Variants in ANKFN1 observed in about 807,000 individuals in gnomAD.
The protein encoded by ANKFN1 is ankyrin repeat and fibronectin type-III domain-containing protein 1.
ANKFN1 carries 74 observed loss-of-function variants against 108.7 expected under a neutral mutation model. The observed-to-expected ratio is 0.68, with a 90% confidence interval of 0.56 to 0.83. ANKFN1 has a LOEUF of 0.83. ANKFN1 is among the 40% of genes least tolerant of loss of function. The pLI is 0.00. For missense variants in ANKFN1, 1,505 were observed against 1,382.3 expected (o/e 1.09, Z -1.41); for synonymous variants, 547 against 516.2 (o/e 1.06, Z -0.81).
chr17:56,174,770 C>G (rs1910984296), intron 1 of ANKFN1, among the ~76,000 whole-genome samples: 1 of 152,168 alleles, frequency 6.6e-6, no homozygotes, highest in Non-Finnish European at 1.5e-5. Context: ...AGCGGAGTCC[C>G]TCCTCCCACC....
intron 18 of ANKFN1, among the ~76,000 whole-genome samples, chr17:56,488,701 T>C (rs980243503): frequency 6.6e-6 from 1 of 152,232 alleles, no homozygotes; most frequent in Non-Finnish European, 1.5e-5. Context: ...TTCTGACACC[T>C]TGGCAAAGAC....
At chr17:56,333,223 C>A (rs139379573) in intron 4 of ANKFN1, among the ~76,000 whole-genome samples, 4 of 152,098 alleles carry the variant, frequency 2.6e-5, no homozygotes, top group African/African-American at 9.6e-5. Context: ...TAGGAGTAGA[C>A]ATTTTTGCCT....
chr17:56,089,850 T>A (rs949117517), intron 4 of ANKFN1, among the ~76,000 whole-genome samples: 3 of 151,300 alleles, frequency 2.0e-5, no homozygotes, highest in African/African-American at 7.3e-5. Context: ...GAGCCTTTGT[T>A]TCCTCATCCA....
intron 3 of ANKFN1, among the ~76,000 whole-genome samples, chr17:56,239,822 A>G (rs142270002): frequency 2.8e-4 from 42 of 152,194 alleles, no homozygotes; most frequent in African/African-American, 1.0e-3. Context: ...TCAGATTGAA[A>G]CACTTCTGGT....
chr17:56,419,837 TAAG>T (rs2048348827), intron 8 of ANKFN1, among the ~76,000 whole-genome samples: 1 of 144,808 alleles, frequency 6.9e-6, no homozygotes, highest in Admixed American at 6.9e-5. Flanking sequence ...AAGAAAGAAA[TAAG>T]AAGAAAAATA....
At chr17:56,098,582 C>A (rs567172514) in intron 4 of ANKFN1, among the ~76,000 whole-genome samples, 1 of 152,226 alleles carries the variant, frequency 6.6e-6, no homozygotes, top group South Asian at 2.1e-4. Flanking sequence ...TCCATAAGGG[C>A]AGGCCCTTTG....
At chr17:56,375,915 G>A (rs1012182841) in intron 8 of ANKFN1, among the ~76,000 whole-genome samples, 2 of 152,166 alleles carry the variant, frequency 1.3e-5, no homozygotes, top group African/African-American at 4.8e-5. Context: ...GAGAAGTTAA[G>A]GAATTTGCCT....
intron 1 of ANKFN1, among the ~76,000 whole-genome samples, chr17:56,159,466 C>T (rs1829216710): frequency 6.6e-6 from 1 of 152,180 alleles, no homozygotes; most frequent in South Asian, 2.1e-4. Context: ...TCTTCAGCAA[C>T]TCTGAAATAA....
At position 56,282,007 on chromosome 17, in the gene ANKFN1, C is replaced by T. The variant is rs553777970; in HGVS notation, c.54-44214C>T. Among the ~76,000 whole-genome samples the T allele has an allele frequency of 2.3e-4, 35 of 152,212 alleles. No individual in the cohort carries two copies. The South Asian group carries it at 7.0e-3, about 31-fold the overall frequency. On this transcript the variant is annotated intron_variant, in intron 3 of 20. Transcript: ENST00000682825. ...GCTATTTACCTAAGATAAAGGAAAA[C>T]GTATGTCCATTCAAAGACCTGTACC...
chr17:56,128,791 C>T (rs1907092543), intron 4 of ANKFN1, among the ~76,000 whole-genome samples: 1 of 152,102 alleles, frequency 6.6e-6, no homozygotes, highest in Non-Finnish European at 1.5e-5. Context: ...TATTAATATC[C>T]CATGGAAACA....
intron 4 of ANKFN1, among the ~76,000 whole-genome samples, chr17:56,339,178 TC>T (rs35649404): frequency 0.41 from 61,924 of 151,984 alleles, 15,191 homozygotes; most frequent in East Asian, 0.55. Flanking sequence ...TTTCTTTATT[TC>T]ATTTCCATTT....
At chr17:56,350,042 C>T (rs546396603) in intron 4 of ANKFN1, among the ~76,000 whole-genome samples, 2 of 152,302 alleles carry the variant, frequency 1.3e-5, no homozygotes, top group Admixed American at 1.3e-4. Flanking sequence ...TGGAAACTGA[C>T]TTCAGTTGTG....
chr17:56,382,316 G>A (rs556188354), intron 8 of ANKFN1, among the ~76,000 whole-genome samples: 207 of 152,220 alleles, frequency 1.4e-3, no homozygotes, highest in Non-Finnish European at 2.2e-3. Flanking sequence ...CCCTAAAAGA[G>A]CTCCTGAAGG....
At chr17:56,055,557 G>GTATATATA (rs1555588755) in intron 4 of ANKFN1, among the ~76,000 whole-genome samples, 5 of 20,970 alleles carry the variant, frequency 2.4e-4, no homozygotes, top group East Asian at 7.6e-4. Flanking sequence ...TGTGTGTGTG[G>GTATATATA]TATATATACA....
intron 3 of ANKFN1, among the ~76,000 whole-genome samples, chr17:56,305,664 A>G (rs902635241): frequency 1.3e-5 from 2 of 152,258 alleles, no homozygotes; most frequent in East Asian, 3.9e-4. Context: ...CCAATTTGTC[A>G]TTTTTTAATG....
intron 3 of ANKFN1, among the ~76,000 whole-genome samples, chr17:56,320,410 G>A (rs568594862): frequency 1.3e-5 from 2 of 152,314 alleles, no homozygotes; most frequent in African/African-American, 4.8e-5. Context: ...ATTACCAAAT[G>A]TCTCCTGACT....
chr17:56,368,470 G>A (rs1160233686), intron 6 of ANKFN1, among the ~76,000 whole-genome samples: 1 of 151,344 alleles, frequency 6.6e-6, no homozygotes, highest in Non-Finnish European at 1.5e-5. Flanking sequence ...AGTAGAGACA[G>A]GGTTTCACCA....
chr17:56,295,485 A>G (rs7225163), intron 3 of ANKFN1, among the ~76,000 whole-genome samples: 28,408 of 152,030 alleles, frequency 0.19, 3,514 homozygotes, highest in African/African-American at 0.36. Context: ...ATACTCTGGG[A>G]TGGGGCCCAG....
chr17:56,313,066 A>T (rs2045086994), intron 3 of ANKFN1, among the ~76,000 whole-genome samples: 2 of 150,960 alleles, frequency 1.3e-5, no homozygotes, highest in Admixed American at 1.3e-4. Flanking sequence ...GAGGTGGAGA[A>T]TTGCTTGAAG....
Sources: gnomAD v4.1 joint callset for allele counts (sites outside exome capture counted in the v4.1 genomes callset) on GRCh38, gnomAD v4.1.1 for gene constraint, MANE v1.5 for transcripts, NCBI Gene and HGNC (gene_info 2026-07-23, HGNC 2026-07-21) for gene names.